MYH13: variants seen among roughly 807,000 people sequenced by gnomAD.
The protein encoded by MYH13 is myosin-13.
Under a neutral mutation model 232.1 loss-of-function variants are expected in MYH13, and 177 were observed. The observed-to-expected ratio is 0.76, with a 90% CI of 0.67 to 0.86. The LOEUF is 0.86. MYH13 is among the 40% of genes least tolerant of loss of function. The pLI is 0.00. For synonymous variants in MYH13, 884 were observed against 923.5 expected, an observed-to-expected ratio of 0.96 and a Z score of 0.78; for missense variants, 2,246 against 2,405.9, an observed-to-expected ratio of 0.93 and a Z score of 1.39.
intron 22 of MYH13, among the ~76,000 whole-genome samples, chr17:10,325,848 T>G (rs7342843): frequency 0.59 from 89,765 of 151,702 alleles, 26,957 homozygotes; most frequent in Non-Finnish European, 0.66. Context: ...AGCTAATTTT[T>G]GTATTTTTAG....
intron 1 of MYH13, among the ~76,000 whole-genome samples, chr17:10,371,620 T>C (rs1023104664): frequency 6.6e-6 from 1 of 152,062 alleles, no homozygotes; most frequent in Admixed American, 6.6e-5. Flanking sequence ...TTGAACAGGA[T>C]TAAGACAAAT....
rs769053503 is a variant in MYH13 at position 10,303,279 on chromosome 17, G to A, written c.5584C>T (p.His1862Tyr). 47 of 1,613,528 alleles carry A rather than the reference G, an allele frequency of 2.9e-5. No individual in the cohort carries two copies. Among genetic ancestry groups the A allele is most frequent in the Non-Finnish European group, 3.5e-5 (41 of 1,179,754 alleles). Residue 1862 changes from histidine to tyrosine, a missense_variant, in exon 39 of 41, where the codon CAC becomes TAC. By Grantham distance (83) the His-to-Tyr change is moderately conservative. Transcript: ENST00000252172. ...TCCTGGAGCCTAAGGATATTCTTGT[G>A]GTCCTCCTCAGCCTGCAAACAGAGT... ...KEMTYQAEED[H>Y]KNILRLQDLV... is the part of the protein sequence containing the mutation.
chr17:10,358,090 C>T (rs1179032670), intron 7 of MYH13, among the ~76,000 whole-genome samples: 1 of 152,136 alleles, frequency 6.6e-6, no homozygotes, highest in Non-Finnish European at 1.5e-5. Flanking sequence ...TTACTCCCTC[C>T]ATCAGAACAT....
At chr17:10,372,367 C>T (rs1286093609) in intron 1 of MYH13, among the ~76,000 whole-genome samples, 6 of 152,108 alleles carry the variant, frequency 3.9e-5, no homozygotes, top group South Asian at 2.1e-4. Flanking sequence ...GACAGTTCTC[C>T]GTAGAGATGG....
intron 37 of MYH13, among the ~76,000 whole-genome samples, chr17:10,303,942 TA>T (rs1364004656): frequency 2.6e-5 from 4 of 152,006 alleles, no homozygotes; most frequent in African/African-American, 9.7e-5. Flanking sequence ...TATGCAGCCA[TA>T]AAAAAGGATG....
At chr17:10,367,357 T>C (rs1037730448) in intron 2 of MYH13, among the ~76,000 whole-genome samples, 33 of 152,204 alleles carry the variant, frequency 2.2e-4, no homozygotes, top group African/African-American at 8.0e-4. Flanking sequence ...TTTTATTTTA[T>C]TATTTTATTG....
Position 10,300,900 on chromosome 17 carries a change from T to C in MYH13, c.*51A>G. On this transcript the variant is annotated 3_prime_UTR_variant, in exon 41 of 41. Coordinates refer to ENST00000252172, the MANE Select transcript of MYH13 (RefSeq NM_003802.3). ...TAGGAGAATTTATTTCTCACACATT[T>C]TCCCTCCACTCTCTCGGAGGTGTCC... 1 of 1,586,620 alleles carries C rather than the reference T, an allele frequency of 6.3e-7. No homozygotes were observed. The highest frequency in any genetic ancestry group is 8.6e-7 in the Non-Finnish European group (1 of 1,160,600).
At chr17:10,372,933 A>T (rs1006247938) in intron 1 of MYH13, 46 bp downstream of exon 1, 1 of 152,074 alleles carries the variant, frequency 6.6e-6, no homozygotes, top group Non-Finnish European at 1.5e-5. Flanking sequence ...ATCAGGTGCA[A>T]CTATAGCTAC....
At position 10,309,652 on chromosome 17, in the gene MYH13, C is replaced by T. The variant is rs563245515; in HGVS notation, c.4835G>A (p.Arg1612Gln). ...CTTCTTTAGCCTCAGGGCGTCGTTC[C>T]GGCTGCGGATTTCAGCATCCAGCAC... ...QSVLDAEIRS[R>Q]NDALRLKKKM... is the part of the protein sequence containing the mutation. The change falls in exon 34 of 41, where the codon CGG (arginine) becomes CAG (glutamine). Residue 1612 changes from arginine (R) to glutamine (Q), a missense_variant. Coordinates refer to ENST00000252172, the MANE Select transcript of MYH13 (RefSeq NM_003802.3). The T allele has an allele frequency of 2.5e-6, 4 of 1,611,360 alleles. No individual in the cohort carries two copies. Among genetic ancestry groups the T allele is most frequent in the South Asian group, 2.2e-5 (2 of 90,340 alleles).
At chr17:10,329,336 G>C (rs1907333131) in intron 21 of MYH13, among the ~76,000 whole-genome samples, 1 of 152,068 alleles carries the variant, frequency 6.6e-6, no homozygotes, top group Non-Finnish European at 1.5e-5. Flanking sequence ...ATTATCAAAG[G>C]AAAAAGACTT....
chr17:10,360,309 T>A, intron 5 of MYH13, 121 bp from the exon 6 acceptor site: 3 of 1,148,020 alleles, frequency 2.6e-6, no homozygotes, highest in Non-Finnish European at 3.8e-6. Context: ...CATTAACCAC[T>A]GGTATGATTT....
chr17:10,324,584 A>G (rs1907129841), intron 22 of MYH13, among the ~76,000 whole-genome samples: 1 of 151,842 alleles, frequency 6.6e-6, no homozygotes, highest in Non-Finnish European at 1.5e-5. Flanking sequence ...TGCTGGGATT[A>G]CAGGCATGTG....
intron 2 of MYH13, among the ~76,000 whole-genome samples, chr17:10,369,633 A>C (rs762429109): frequency 1.2e-4 from 19 of 152,184 alleles, no homozygotes; most frequent in Admixed American, 6.5e-4. Context: ...CCATATTTTT[A>C]GTCCTCCTGG....
intron 16 of MYH13, chr17:10,341,524 T>A (rs1194588712): frequency 6.6e-6 from 1 of 152,194 alleles, no homozygotes; most frequent in Non-Finnish European, 1.5e-5. Flanking sequence ...TAATTTGGAG[T>A]CTACTTTTTC....
chr17:10,331,926 A>G (rs999929858), intron 20 of MYH13, among the ~76,000 whole-genome samples, 173 bp downstream of exon 20: 7 of 152,062 alleles, frequency 4.6e-5, no homozygotes, highest in African/African-American at 1.7e-4. Flanking sequence ...CCACTTACAA[A>G]CCAACAGGGA....
Position 10,300,934 on chromosome 17 carries a change from C to T in MYH13, c.*17G>A, listed in dbSNP as rs371233481. 2.1e-5 allele frequency: 34 copies of T among 1,611,348 alleles called. No homozygotes were observed. In the Middle Eastern group the frequency reaches 4.9e-4, roughly 23 times the overall value. ...CTCTCTCGGAGGTGTCCCATGGCAA[C>T]GAGCATCAGGTGAGCCTCATTCTTC... On this transcript the variant is annotated 3_prime_UTR_variant, in exon 41 of 41. Transcript: ENST00000252172.
intron 21 of MYH13, among the ~76,000 whole-genome samples, chr17:10,328,374 T>A (rs576283536): frequency 1.3e-5 from 2 of 152,272 alleles, no homozygotes; most frequent in East Asian, 3.9e-4. Flanking sequence ...CTGGCTGCCC[T>A]TCCCACCACC....
At chr17:10,321,222 ATGG>A (rs1906928040) in intron 24 of MYH13, among the ~76,000 whole-genome samples, 1 of 152,232 alleles carries the variant, frequency 6.6e-6, no homozygotes, top group Non-Finnish European at 1.5e-5. Context: ...AATAATGATG[ATGG>A]TGATGATAGC....
At chr17:10,354,514 G>A (rs1211358677) in intron 11 of MYH13, among the ~76,000 whole-genome samples, 166 bp downstream of exon 11, 1 of 152,186 alleles carries the variant, frequency 6.6e-6, no homozygotes, top group Non-Finnish European at 1.5e-5. Context: ...GCTGAGTAGG[G>A]AGGGGCCAAT....
Sources: gnomAD v4.1 joint callset for allele counts (sites outside exome capture counted in the v4.1 genomes callset) on GRCh38, gnomAD v4.1.1 for gene constraint, MANE v1.5 for transcripts, NCBI Gene and HGNC (gene_info 2026-07-23, HGNC 2026-07-21) for gene names.